SLC39A12: variants seen among roughly 807,000 people sequenced by gnomAD.
SLC39A12 encodes solute carrier family 39 member 12.
In SLC39A12, 63 loss-of-function variants were observed where a neutral mutation model predicts 71.1. That is an observed-to-expected ratio of 0.89 (90% CI 0.72 to 1.09). SLC39A12 has a LOEUF of 1.09. Among genes scored for constraint, SLC39A12 ranks in the 50% least tolerant of loss-of-function variants. The pLI is 0.00. For missense variants in SLC39A12, 892 were observed against 812.6 expected, an observed-to-expected ratio of 1.10 and a Z score of -1.19; for synonymous variants, 351 against 301.3, an observed-to-expected ratio of 1.16 and a Z score of -1.71.
chr10:17,978,491 T>C (rs1036378269), intron 5 of SLC39A12, among the ~76,000 whole-genome samples: 5 of 152,198 alleles, frequency 3.3e-5, no homozygotes, highest in Non-Finnish European at 5.9e-5. Context: ...TCTGTTGAAG[T>C]TGACTCTTTC....
chr10:18,021,335 T>C (rs968911551), intron 12 of SLC39A12, among the ~76,000 whole-genome samples: 1 of 152,088 alleles, frequency 6.6e-6, no homozygotes, highest in African/African-American at 2.4e-5. Context: ...TAATTACGTC[T>C]TGTTGAATCA....
chr10:17,961,480 T>G, intron 2 of SLC39A12, 101 bp from the exon 3 acceptor site: 6 of 1,168,578 alleles, frequency 5.1e-6, no homozygotes, highest in Non-Finnish European at 7.2e-6. Flanking sequence ...CCTTTCTGTT[T>G]ATAAAATGAT....
At chr10:17,991,375 C>G in intron 8 of SLC39A12, 72 bp downstream of exon 8, 1 of 1,315,468 alleles carries the variant, frequency 7.6e-7, no homozygotes, top group South Asian at 1.7e-5. Context: ...TTCACAAGTA[C>G]TTGTTCAAAA....
At chr10:17,953,975 A>G (rs1589215489) in intron 2 of SLC39A12, among the ~76,000 whole-genome samples, 1 of 152,140 alleles carries the variant, frequency 6.6e-6, no homozygotes, top group African/African-American at 2.4e-5. Flanking sequence ...GGTATTTTCT[A>G]ATATTATGCA....
Position 17,953,480 on chromosome 10 carries a change from G to A in SLC39A12, c.204G>A (p.Leu68=). The change falls in exon 2 of 13, where the codon TTG becomes TTA. Residue 68 remains leucine (L), a synonymous_variant. Coordinates refer to ENST00000377369, the MANE Select transcript of SLC39A12 (RefSeq NM_001145195.2). ...HNHSRSLIKT[L]LEKTGCPRRR... ...ACTCAAGAAGCCTCATCAAAACATT[G>A]TTGGAGAAAACTGGGTGCCCACGGA... The A allele has an allele frequency of 2.5e-6, 4 of 1,614,200 alleles. No homozygotes were observed. Among genetic ancestry groups the A allele is most frequent in the Non-Finnish European group, 3.4e-6 (4 of 1,180,044 alleles).
At chr10:17,971,914 T>C (rs533199394) in intron 4 of SLC39A12, among the ~76,000 whole-genome samples, 4 of 152,296 alleles carry the variant, frequency 2.6e-5, no homozygotes, top group African/African-American at 9.6e-5. Flanking sequence ...TTCTTTAAGA[T>C]GCATTGTTAG....
chr10:18,004,172 T>C (rs1380730455), intron 12 of SLC39A12: 1 of 152,198 alleles, frequency 6.6e-6, no homozygotes, highest in Non-Finnish European at 1.5e-5. Context: ...TGTTTACAAC[T>C]TTAAAAATAT....
intron 4 of SLC39A12, among the ~76,000 whole-genome samples, chr10:17,968,110 A>G (rs1834879829): frequency 6.9e-6 from 1 of 145,504 alleles, no homozygotes; most frequent in African/African-American, 2.5e-5. Context: ...TTATAGGTTA[A>G]TTTTATAACC....
chr10:18,022,506 C>T (rs185317220), intron 12 of SLC39A12, among the ~76,000 whole-genome samples: 14 of 152,086 alleles, frequency 9.2e-5, no homozygotes, highest in African/African-American at 3.4e-4. Context: ...CTTAAAATGG[C>T]TATTTTATCT....
chr10:17,963,697 C>G (rs1279376154), intron 3 of SLC39A12, among the ~76,000 whole-genome samples: 1 of 152,168 alleles, frequency 6.6e-6, no homozygotes, highest in Admixed American at 6.5e-5. Context: ...TTCACCACAT[C>G]AGCTGTTCTT....
rs536756331 is a variant in SLC39A12 at position 17,956,710 on chromosome 10, T to C, written c.261+3173T>C. On this transcript the variant is annotated intron_variant, in intron 2 of 12. Coordinates refer to ENST00000377369, the MANE Select transcript of SLC39A12 (RefSeq NM_001145195.2). ...GTTCTCCAGGCAATTCTTAGACACA[T>C]TCAAAGCAGAGAACCACTGCTTTAA... 1.3e-5 allele frequency among the ~76,000 whole-genome samples: 2 copies of C among 152,330 alleles called. 1 individual carries two copies. Among genetic ancestry groups the C allele is most frequent in the African/African-American group, 4.8e-5 (2 of 41,576 alleles).
chr10:17,955,619 T>G (rs1307062473), intron 2 of SLC39A12, among the ~76,000 whole-genome samples: 2 of 152,228 alleles, frequency 1.3e-5, no homozygotes, highest in African/African-American at 4.8e-5. Flanking sequence ...TTAAGGGGGT[T>G]TCTTCATATC....
At chr10:17,987,192 A>G (rs1274659871) in intron 6 of SLC39A12, among the ~76,000 whole-genome samples, 1 of 152,014 alleles carries the variant, frequency 6.6e-6, no homozygotes, top group African/African-American at 2.4e-5. Context: ...AAAATGAGTC[A>G]GGCATGATGG....
At chr10:17,970,619 T>TTGATACAATTGCTACCGATACA (rs1404077031) in intron 4 of SLC39A12, among the ~76,000 whole-genome samples, 2 of 152,152 alleles carry the variant, frequency 1.3e-5, no homozygotes, top group Non-Finnish European at 2.9e-5. Flanking sequence ...CCGATTTTTG[T>TTGATACAATTGCTACCGATACA]ATGTTGATGT....
At chr10:17,997,202 A>G (rs112913495) in intron 10 of SLC39A12, among the ~76,000 whole-genome samples, 33 of 152,334 alleles carry the variant, frequency 2.2e-4, no homozygotes, top group African/African-American at 7.9e-4. Context: ...GAAGAATAAA[A>G]TAAGCATGAT....
intron 12 of SLC39A12, among the ~76,000 whole-genome samples, chr10:18,041,791 G>A (rs796507431): frequency 1.4e-4 from 18 of 128,824 alleles, no homozygotes; most frequent in South Asian, 2.5e-4. Flanking sequence ...ATACATATGT[G>A]TCTATATGTA....
chr10:18,029,900 T>C (rs1564662872), intron 12 of SLC39A12, among the ~76,000 whole-genome samples: 1 of 151,296 alleles, frequency 6.6e-6, no homozygotes, highest in African/African-American at 2.4e-5. Context: ...GGAAAAAATA[T>C]ATACATATAT....
chr10:18,032,556 C>T (rs1353173836), intron 12 of SLC39A12, among the ~76,000 whole-genome samples: 4 of 145,324 alleles, frequency 2.8e-5, no homozygotes, highest in African/African-American at 1.0e-4. Flanking sequence ...TGGGCTGAGA[C>T]AATGGGGTTT....
chr10:17,955,227 G>A (rs1179255023), intron 2 of SLC39A12, among the ~76,000 whole-genome samples: 1 of 152,124 alleles, frequency 6.6e-6, no homozygotes, highest in Non-Finnish European at 1.5e-5. Context: ...AGCACTTACT[G>A]TTTTCTGTGA....
Sources: allele counts gnomAD v4.1 joint callset (sites outside exome capture counted in the v4.1 genomes callset), GRCh38; gene constraint gnomAD v4.1.1; transcripts MANE v1.5; gene names NCBI Gene and HGNC (gene_info 2026-07-23, HGNC 2026-07-21).